LRRTM4: variants seen among roughly 807,000 people sequenced by gnomAD.
LRRTM4 encodes leucine-rich repeat transmembrane neuronal protein 4.
LRRTM4 carries 25 observed loss-of-function variants against 47.6 expected under a neutral mutation model. The ratio of observed to expected loss-of-function variants is 0.53; its 90% CI spans 0.38 to 0.73. The LOEUF is 0.73. LRRTM4 is among the 30% of genes least tolerant of loss of function. LRRTM4 has a pLI of 0.00. For synonymous variants in LRRTM4, 311 were observed against 269.5 expected, an observed-to-expected ratio of 1.15 and a Z score of -1.51; for missense variants, 638 against 713.4, an observed-to-expected ratio of 0.89 and a Z score of 1.20.
At chr2:76,818,920 A>G (rs889060662) in intron 3 of LRRTM4, among the ~76,000 whole-genome samples, 1 of 151,862 alleles carries the variant, frequency 6.6e-6, no homozygotes, top group Non-Finnish European at 1.5e-5. Context: ...TTTTACTAGT[A>G]AAGTCAGTTT....
intron 3 of LRRTM4, among the ~76,000 whole-genome samples, chr2:77,152,391 C>T (rs1444306181): frequency 6.6e-6 from 1 of 152,026 alleles, no homozygotes; most frequent in African/African-American, 2.4e-5. Flanking sequence ...TGTCATGGCA[C>T]AATCTCGGCT....
chr2:76,884,384 A>T (rs1247370553), intron 3 of LRRTM4, among the ~76,000 whole-genome samples: 1 of 152,218 alleles, frequency 6.6e-6, no homozygotes, highest in Non-Finnish European at 1.5e-5. Flanking sequence ...GTCTGTTTTC[A>T]CACACAAAAA....
intron 3 of LRRTM4, among the ~76,000 whole-genome samples, chr2:77,085,378 C>CTT (rs11393823): frequency 0.019 from 2,695 of 139,714 alleles, 63 homozygotes; most frequent in African/African-American, 0.058. Context: ...CAATCCCTCA[C>CTT]TTTTTTTTTT....
chr2:77,328,075 A>G (rs951797577), intron 3 of LRRTM4, among the ~76,000 whole-genome samples: 28 of 152,168 alleles, frequency 1.8e-4, no homozygotes, highest in Non-Finnish European at 4.0e-4. Flanking sequence ...GAGACATGGC[A>G]TTGCATTTCT....
rs145136686 is a variant in LRRTM4, at chr2:76,978,692, G to A, written c.1552-229776C>T. Among the ~76,000 whole-genome samples the A allele has an allele frequency of 2.7e-3, 406 of 152,114 alleles. 3 individuals carry two copies. The highest frequency in any genetic ancestry group is 4.5e-3 in the Non-Finnish European group (309 of 67,988). On this transcript the variant is annotated intron_variant, in intron 3 of 3. Coordinates refer to ENST00000409884, the MANE Select transcript of LRRTM4 (RefSeq NM_001134745.3). ...AACAGTACTACATTAAGATTCAGAC[G>A]TGCCTGAGTATGCATAGCGAGCCGC...
chr2:77,253,039 T>G (rs1675664873), intron 3 of LRRTM4, among the ~76,000 whole-genome samples: 1 of 152,096 alleles, frequency 6.6e-6, no homozygotes, highest in African/African-American at 2.4e-5. Flanking sequence ...TCTCATAGTT[T>G]CTGGAAGACC....
chr2:76,878,363 T>C (rs1196980243), intron 3 of LRRTM4, among the ~76,000 whole-genome samples: 3 of 152,148 alleles, frequency 2.0e-5, no homozygotes, highest in African/African-American at 7.2e-5. Flanking sequence ...AACCCTATAA[T>C]GTCCTCTAAG....
At chr2:76,894,882 T>C (rs1261178241) in intron 3 of LRRTM4, among the ~76,000 whole-genome samples, 3 of 151,624 alleles carry the variant, frequency 2.0e-5, no homozygotes, top group African/African-American at 2.4e-5. Flanking sequence ...TTACAATGTA[T>C]AGTCTCATAT....
intron 3 of LRRTM4, among the ~76,000 whole-genome samples, chr2:76,776,732 T>A (rs1674016315): frequency 6.9e-6 from 1 of 144,494 alleles, no homozygotes; most frequent in African/African-American, 2.5e-5. Flanking sequence ...GATGGTAGTT[T>A]CTTTTGCTGT....
In LRRTM4 at chr2:77,136,037, C is replaced by T. The variant is rs368846663; in HGVS notation, c.1551+382281G>A. Among the ~76,000 whole-genome samples, 460 of 152,084 alleles carry T rather than the reference C, an allele frequency of 3.0e-3. 1 individual carries two copies. The highest frequency in any genetic ancestry group is 0.01 in the African/African-American group (432 of 41,506). ...AACATGGCGGCGGTTCCAAGATGGC[C>T]GAATAGGAACAGCTTCAGTCTACAG... is the stretch of plus-strand genomic sequence containing the variant. On this transcript the variant is annotated intron_variant, in intron 3 of 3. Coordinates refer to ENST00000409884, the MANE Select transcript of LRRTM4 (RefSeq NM_001134745.3).
At chr2:76,916,401 A>G (rs986665377) in intron 3 of LRRTM4, among the ~76,000 whole-genome samples, 4 of 148,026 alleles carry the variant, frequency 2.7e-5, no homozygotes, top group East Asian at 2.0e-4. Context: ...AAAAAAAAAA[A>G]AAAAAAGAAA....
intron 3 of LRRTM4, among the ~76,000 whole-genome samples, chr2:77,015,987 C>T (rs1474052465): frequency 6.6e-6 from 1 of 152,014 alleles, no homozygotes; most frequent in African/African-American, 2.4e-5. Flanking sequence ...GAGGCTGAGG[C>T]AAGAGAATCG....
At chr2:77,253,248 C>T (rs1675671606) in intron 3 of LRRTM4, among the ~76,000 whole-genome samples, 1 of 151,950 alleles carries the variant, frequency 6.6e-6, no homozygotes, top group Admixed American at 6.6e-5. Flanking sequence ...TGGGAGGATC[C>T]CATACTTTTA....
intron 3 of LRRTM4, among the ~76,000 whole-genome samples, chr2:77,028,936 G>A (rs1214906600): frequency 6.6e-6 from 1 of 151,162 alleles, no homozygotes; most frequent in East Asian, 2.0e-4. Flanking sequence ...TCGGGAGGCT[G>A]AGGCAGGAGA....
At chr2:77,426,656 A>G (rs558907613) in intron 3 of LRRTM4, among the ~76,000 whole-genome samples, 4 of 152,130 alleles carry the variant, frequency 2.6e-5, no homozygotes, top group African/African-American at 7.2e-5. Context: ...TGATGGTTTT[A>G]TAAGGGCCTT....
chr2:76,792,162 C>T (rs574953467), intron 3 of LRRTM4, among the ~76,000 whole-genome samples: 15 of 152,038 alleles, frequency 9.9e-5, no homozygotes, highest in South Asian at 6.2e-4. Context: ...TAAGAAAAGA[C>T]GATCATATAC....
intron 3 of LRRTM4, among the ~76,000 whole-genome samples, chr2:76,930,492 G>A (rs555295609): frequency 2.0e-5 from 3 of 152,294 alleles, no homozygotes; most frequent in African/African-American, 7.2e-5. Context: ...TAGAGGCACA[G>A]AAGTAACCGC....
At chr2:77,101,163 T>C (rs1481406546) in intron 3 of LRRTM4, among the ~76,000 whole-genome samples, 1 of 152,118 alleles carries the variant, frequency 6.6e-6, no homozygotes, top group African/African-American at 2.4e-5. Context: ...ACAAAAATAT[T>C]TTAGATCTTC....
intron 3 of LRRTM4, among the ~76,000 whole-genome samples, chr2:76,906,131 G>T (rs1470864752): frequency 2.0e-5 from 3 of 152,200 alleles, no homozygotes; most frequent in Non-Finnish European, 4.4e-5. Context: ...AAGCCCATCA[G>T]ACTAACAGCT....
Sources: allele counts gnomAD v4.1 joint callset (sites outside exome capture counted in the v4.1 genomes callset), GRCh38; gene constraint gnomAD v4.1.1; transcripts MANE v1.5; gene names NCBI Gene and HGNC (gene_info 2026-07-23, HGNC 2026-07-21).